AKAP6: variants seen among roughly 807,000 people sequenced by gnomAD.
AKAP6 encodes the protein A-kinase anchor protein 6.
A neutral mutation model predicts 188.5 loss-of-function variants in AKAP6; 58 were observed. That is an observed-to-expected ratio of 0.31 (90% CI 0.25 to 0.38). The LOEUF is 0.38. Among genes scored for constraint, AKAP6 ranks in the 10% least tolerant of loss-of-function variants. The pLI is 1.00. For synonymous variants in AKAP6, 989 were observed against 998.6 expected (o/e 0.99, Z 0.18); for missense variants, 2,710 against 2,740.0 (o/e 0.99, Z 0.24).
At chr14:32,348,313 A>ACC (rs1158884652) in intron 1 of AKAP6, among the ~76,000 whole-genome samples, 1 of 152,226 alleles carries the variant, frequency 6.6e-6, no homozygotes, top group African/African-American at 2.4e-5. Context: ...TACTGGGCGT[A>ACC]AAAAGCAGGA....
chr14:32,492,821 A>T (rs1376488431), intron 2 of AKAP6, among the ~76,000 whole-genome samples: 1 of 152,182 alleles, frequency 6.6e-6, no homozygotes, highest in Non-Finnish European at 1.5e-5. Flanking sequence ...CTATTAGAAA[A>T]TATGCCTTTT....
At chr14:32,658,875 A>C (rs141623653) in intron 7 of AKAP6, among the ~76,000 whole-genome samples, 20 of 151,486 alleles carry the variant, frequency 1.3e-4, no homozygotes, top group Non-Finnish European at 1.9e-4. Flanking sequence ...CACTTCTTCC[A>C]TTAAGTATTT....
intron 12 of AKAP6, among the ~76,000 whole-genome samples, chr14:32,781,459 G>A (rs1376456667): frequency 3.3e-5 from 5 of 151,910 alleles, no homozygotes; most frequent in African/African-American, 1.2e-4. Context: ...TTCAGACCTA[G>A]TTGGCTTTAT....
At chr14:32,799,245 A>G (rs914111142) in intron 12 of AKAP6, among the ~76,000 whole-genome samples, 1 of 152,168 alleles carries the variant, frequency 6.6e-6, no homozygotes, top group Non-Finnish European at 1.5e-5. Context: ...TTCTAGATGT[A>G]TCCCTTTCAG....
At chr14:32,386,799 G>C (rs560517515) in intron 1 of AKAP6, among the ~76,000 whole-genome samples, 1 of 152,226 alleles carries the variant, frequency 6.6e-6, no homozygotes, top group African/African-American at 2.4e-5. Context: ...AAGAGATGAG[G>C]ATCCAGTTTC....
intron 4 of AKAP6, among the ~76,000 whole-genome samples, chr14:32,562,707 G>A (rs1462778490): frequency 6.6e-6 from 1 of 152,116 alleles, no homozygotes; most frequent in Non-Finnish European, 1.5e-5. Flanking sequence ...GCAGTGAGCC[G>A]AGATTGCACC....
At chr14:32,396,022 T>C (rs1235641962) in intron 1 of AKAP6, among the ~76,000 whole-genome samples, 4 of 152,102 alleles carry the variant, frequency 2.6e-5, no homozygotes, top group Non-Finnish European at 4.4e-5. Context: ...GTGAGAGAAA[T>C]ATGTCATTAA....
chr14:32,801,429 A>T (rs368493618), intron 12 of AKAP6, among the ~76,000 whole-genome samples: 1 of 152,220 alleles, frequency 6.6e-6, no homozygotes, highest in Admixed American at 6.5e-5. Flanking sequence ...GAGTATACTC[A>T]ATTCCTCCCT....
chr14:32,726,495 G>A (rs989712087), intron 9 of AKAP6, among the ~76,000 whole-genome samples: 10 of 152,104 alleles, frequency 6.6e-5, no homozygotes, highest in Admixed American at 1.3e-4. Flanking sequence ...ATTTTTTGCC[G>A]TAATTTTATA....
intron 11 of AKAP6, among the ~76,000 whole-genome samples, chr14:32,762,795 G>A (rs1026465681): frequency 1.3e-5 from 2 of 151,872 alleles, no homozygotes; most frequent in African/African-American, 4.8e-5. Flanking sequence ...AATAATCCTG[G>A]TTGCCCTTAA....
At chr14:32,364,842 C>T (rs374612575) in intron 1 of AKAP6, among the ~76,000 whole-genome samples, 250 of 152,186 alleles carry the variant, frequency 1.6e-3, no homozygotes, top group African/African-American at 5.5e-3. Context: ...AGTGGGGTCC[C>T]TTTTCTAAAT....
At position 32,759,070 on chromosome 14, in the gene AKAP6, G is replaced by A. The variant is rs185916705; in HGVS notation, c.3373-14608G>A. Reference sequence around the variant, plus strand: ...CCTCCCAAAACCTCTCAGAGAGGGCGGAGACATAAATCATTATTCCCATCT... The same window carrying A: ...CCTCCCAAAACCTCTCAGAGAGGGCAGAGACATAAATCATTATTCCCATCT... On this transcript the variant is annotated intron_variant, in intron 11 of 13. Coordinates refer to ENST00000280979, the MANE Select transcript of AKAP6 (RefSeq NM_004274.5). 5.9e-5 allele frequency among the ~76,000 whole-genome samples: 9 copies of A among 152,162 alleles called. No individual in the cohort carries two copies. The East Asian group carries it at 9.7e-4, about 16-fold the overall frequency.
chr14:32,475,829 C>T (rs752436358), intron 2 of AKAP6, among the ~76,000 whole-genome samples: 4 of 151,952 alleles, frequency 2.6e-5, no homozygotes, highest in Non-Finnish European at 5.9e-5. Context: ...AGGCGCCCGC[C>T]ACCACGCCCG....
intron 2 of AKAP6, among the ~76,000 whole-genome samples, chr14:32,489,317 T>C (rs1176817205): frequency 6.6e-6 from 1 of 152,160 alleles, no homozygotes; most frequent in East Asian, 1.9e-4. Context: ...CAAGCGATCT[T>C]CCTGCCTCAG....
intron 2 of AKAP6, among the ~76,000 whole-genome samples, chr14:32,518,447 A>G (rs918109387): frequency 6.6e-6 from 1 of 152,180 alleles, no homozygotes; most frequent in Non-Finnish European, 1.5e-5. Context: ...AAAACCTTGA[A>G]AAAAGATTAG....
Position 32,542,381 on chromosome 14 carries a change from C to T in AKAP6, c.577-2849C>T, listed in dbSNP as rs145013006. On this transcript the variant is annotated intron_variant, in intron 3 of 13. Coordinates refer to ENST00000280979, the MANE Select transcript of AKAP6 (RefSeq NM_004274.5). ...TCACTATGCTATGTGCTACGAGTACCCTGGTAAGACAACCATTTTCTGTGT... is the reference window on the plus strand; with the variant it reads ...TCACTATGCTATGTGCTACGAGTACTCTGGTAAGACAACCATTTTCTGTGT... Among the ~76,000 whole-genome samples, 158 of 152,214 alleles carry T rather than the reference C, an allele frequency of 1.0e-3. 2 individuals carry two copies. Among genetic ancestry groups the T allele is most frequent in the African/African-American group, 3.7e-3 (153 of 41,512 alleles).
chr14:32,426,940 G>A (rs981433048), intron 1 of AKAP6, among the ~76,000 whole-genome samples: 7 of 152,122 alleles, frequency 4.6e-5, no homozygotes, highest in African/African-American at 1.7e-4. Flanking sequence ...AAGGGAGTTA[G>A]CGGGTATTTG....
intron 8 of AKAP6, among the ~76,000 whole-genome samples, chr14:32,682,479 A>G (rs1889719964): frequency 6.6e-6 from 1 of 152,228 alleles, no homozygotes; most frequent in African/African-American, 2.4e-5. Context: ...CAGTAAATGA[A>G]TGGATGCATG....
chr14:32,601,822 CA>C (rs1417483131), intron 7 of AKAP6, among the ~76,000 whole-genome samples: 12 of 152,164 alleles, frequency 7.9e-5, no homozygotes, highest in African/African-American at 2.9e-4. Context: ...TAAATGCAGG[CA>C]GAGGAGAAAC....
Sources: allele counts gnomAD v4.1 joint callset (sites outside exome capture counted in the v4.1 genomes callset), GRCh38; gene constraint gnomAD v4.1.1; transcripts MANE v1.5; gene names NCBI Gene and HGNC (gene_info 2026-07-23, HGNC 2026-07-21).